CREM: variants seen among roughly 807,000 people sequenced by gnomAD.
CREM encodes the protein cAMP responsive element modulator.
In CREM, 13 loss-of-function variants were observed where a neutral mutation model predicts 37.3. The ratio of observed to expected loss-of-function variants is 0.35; its 90% CI spans 0.23 to 0.55. The LOEUF is 0.55. CREM is among the 20% of genes least tolerant of loss of function. The pLI, the probability that CREM is intolerant of heterozygous loss-of-function variation, is 0.88. For synonymous variants in CREM, 124 were observed against 120.2 expected (o/e 1.03, Z -0.21); for missense variants, 296 against 362.3 (o/e 0.82, Z 1.49).
At position 35,196,223 on chromosome 10, in the gene CREM, GC is replaced by G. The variant is rs1385796774; in HGVS notation, c.598+7836del. On this transcript the variant is annotated intron_variant, in intron 6 of 7. Coordinates refer to ENST00000685392, the MANE Select transcript of CREM (RefSeq NM_183011.2). ...CCTCTTACTCCATCTATAGGAACTT[GC>G]GATTCAGAGCTCCTCTAGTGTTCAG... 3.6e-6 allele frequency: 3 copies of G among 834,682 alleles called. No homozygotes were observed. In the African/African-American group the frequency reaches 5.2e-5, roughly 14 times the overall value. 51.7% of individuals were successfully genotyped at this position (834,682 alleles called of 1,614,324 possible).
At chr10:35,179,753 T>C (rs2094272815) in intron 5 of CREM, 1 of 152,918 alleles carries the variant, frequency 6.5e-6, no homozygotes, top group South Asian at 2.1e-4. Context: ...AATGGAAAAA[T>C]GATTTAATTT....
chr10:35,147,828 T>TG (rs2092288158), intron 2 of CREM, among the ~76,000 whole-genome samples: 1 of 152,210 alleles, frequency 6.6e-6, no homozygotes, highest in Non-Finnish European at 1.5e-5. Flanking sequence ...AGTGCTCCCT[T>TG]GGTAATGTTC....
intron 5 of CREM, among the ~76,000 whole-genome samples, chr10:35,182,898 G>A (rs746057531): frequency 1.1e-4 from 16 of 152,158 alleles, no homozygotes; most frequent in Non-Finnish European, 2.2e-4. Context: ...GAGAGATGGC[G>A]GGAGAGAGAC....
intron 1 of CREM, among the ~76,000 whole-genome samples, chr10:35,127,849 A>G (rs1481500419): frequency 7.1e-6 from 1 of 140,668 alleles, no homozygotes; most frequent in Non-Finnish European, 1.6e-5. Context: ...ACATTATTAA[A>G]CATACTTTTT....
intron 2 of CREM, among the ~76,000 whole-genome samples, chr10:35,147,858 G>T (rs2092291112): frequency 6.6e-6 from 1 of 152,164 alleles, no homozygotes; most frequent in South Asian, 2.1e-4. Context: ...GAGCAGAAAA[G>T]AAAAGATGAG....
At chr10:35,138,438 A>G (rs1193688688) in intron 2 of CREM, among the ~76,000 whole-genome samples, 1 of 152,160 alleles carries the variant, frequency 6.6e-6, no homozygotes, top group Non-Finnish European at 1.5e-5. Flanking sequence ...TTCTATTTTT[A>G]GAAGAGATGA....
intron 6 of CREM, among the ~76,000 whole-genome samples, chr10:35,191,304 T>C (rs932152300): frequency 9.9e-5 from 15 of 152,186 alleles, no homozygotes; most frequent in African/African-American, 3.6e-4. Context: ...CTATTAACTT[T>C]GCTGAACTCT....
chr10:35,148,247 A>G, intron 2 of CREM, 121 bp from the exon 3 acceptor site: 1 of 990,418 alleles, frequency 1.0e-6, no homozygotes, highest in East Asian at 2.5e-5. Context: ...GTAAATGCTC[A>G]GAAAGTTTCA....
At chr10:35,204,279 C>G (rs781490952) in intron 6 of CREM, among the ~76,000 whole-genome samples, 30 of 152,128 alleles carry the variant, frequency 2.0e-4, no homozygotes, top group Non-Finnish European at 4.0e-4. Context: ...TAGGACTTTT[C>G]CCAAGTTTAT....
intron 3 of CREM, among the ~76,000 whole-genome samples, chr10:35,175,345 C>T (rs1239788014): frequency 6.6e-6 from 1 of 152,088 alleles, no homozygotes; most frequent in Non-Finnish European, 1.5e-5. Flanking sequence ...ACTCAGGAGG[C>T]TGAGGCAGGA....
Position 35,212,023 on chromosome 10 carries a change from T to C in CREM, c.*625T>C, listed in dbSNP as rs2095670772. On this transcript the variant is annotated 3_prime_UTR_variant, in exon 8 of 8. Coordinates refer to ENST00000685392, the MANE Select transcript of CREM (RefSeq NM_183011.2). Reference sequence around the variant, plus strand: ...GTAAAAAATGTGTGTATTCTTAAAATGCAATATTTGTAAGGCTTGTTCCAA... The same window carrying C: ...GTAAAAAATGTGTGTATTCTTAAAACGCAATATTTGTAAGGCTTGTTCCAA... 2 of 429,064 alleles carry C rather than the reference T, an allele frequency of 4.7e-6. No individual in the cohort carries two copies. The highest frequency in any genetic ancestry group is 2.0e-5 in the African/African-American group (1 of 49,118). The allele number at this position is 429,064 out of a possible 1,614,324, so 26.6% of individuals were successfully genotyped here.
At chr10:35,204,773 C>G (rs147816031) in intron 6 of CREM, among the ~76,000 whole-genome samples, 1 of 152,150 alleles carries the variant, frequency 6.6e-6, no homozygotes. Flanking sequence ...ACCTAATTCT[C>G]AAGCCTTAGA....
At chr10:35,152,777 T>C (rs1356089186) in intron 3 of CREM, among the ~76,000 whole-genome samples, 1 of 147,570 alleles carries the variant, frequency 6.8e-6, no homozygotes, top group East Asian at 2.1e-4. Context: ...AGCAAAAATA[T>C]TGTATGTACA....
At chr10:35,178,811 G>C in intron 3 of CREM, 78 bp from the exon 4 acceptor site, 1 of 1,151,460 alleles carries the variant, frequency 8.7e-7, no homozygotes, top group Admixed American at 2.3e-5. Flanking sequence ...TGCACACACA[G>C]ACTCTTAGCC....
In CREM at chr10:35,131,392, A is replaced by G. The variant is rs141774648; in HGVS notation, c.-55+4199A>G. ...CTTAAATCATCCAACTTAGAATAGC[A>G]AAATAGCAGATAGTTTTGTTTATAT... On this transcript the variant is annotated intron_variant, in intron 1 of 7. Transcript: ENST00000685392. 6.1e-3 allele frequency among the ~76,000 whole-genome samples: 934 copies of G among 152,292 alleles called. 11 individuals are homozygous for G. Among genetic ancestry groups the G allele is most frequent in the African/African-American group, 0.021 (886 of 41,558 alleles).
At chr10:35,188,127 A>G in intron 5 of CREM, 73 bp from the exon 6 acceptor site, 1 of 1,379,280 alleles carries the variant, frequency 7.3e-7, no homozygotes, top group Non-Finnish European at 9.8e-7. Context: ...GACCCAGAGT[A>G]TATTCTTCCA....
intron 6 of CREM, chr10:35,196,048 A>G: frequency 6.2e-7 from 1 of 1,614,094 alleles, no homozygotes. Context: ...GAAACACGTC[A>G]TGAAACTGTA....
chr10:35,155,941 CTTTCT>C (rs1297607412), intron 3 of CREM, among the ~76,000 whole-genome samples: 45 of 130,228 alleles, frequency 3.5e-4, no homozygotes, highest in African/African-American at 1.2e-3. Flanking sequence ...TTCTTTCTTT[CTTTCT>C]TTTTTTTTTT....
At chr10:35,185,033 C>CCATTCATTCATT (rs34576035) in intron 5 of CREM, among the ~76,000 whole-genome samples, 97 of 149,066 alleles carry the variant, frequency 6.5e-4, no homozygotes, top group African/African-American at 1.6e-3. Flanking sequence ...GAAATGATAG[C>CCATTCATTCATT]CATTCATTCA....
Sources: allele counts gnomAD v4.1 joint callset (sites outside exome capture counted in the v4.1 genomes callset), GRCh38; gene constraint gnomAD v4.1.1; transcripts MANE v1.5; gene names NCBI Gene and HGNC (gene_info 2026-07-23, HGNC 2026-07-21).